Variants in ADAMTS19 observed in about 807,000 individuals in gnomAD.
ADAMTS19 encodes A disintegrin and metalloproteinase with thrombospondin motifs 19.
Under a neutral mutation model 153.3 loss-of-function variants are expected in ADAMTS19, and 93 were observed. That is an observed-to-expected ratio of 0.61 (90% CI 0.51 to 0.72). ADAMTS19 has a LOEUF of 0.72. Among genes scored for constraint, ADAMTS19 ranks in the 30% least tolerant of loss-of-function variants. The probability of loss-of-function intolerance (pLI) is 0.00; values close to 1 mark genes in which losing one functional copy is unlikely to be tolerated. For missense variants in ADAMTS19, 1,482 were observed against 1,552.1 expected (o/e 0.95, Z 0.76); for synonymous variants, 600 against 556.6 (o/e 1.08, Z -1.10).
intron 11 of ADAMTS19, among the ~76,000 whole-genome samples, chr5:129,645,217 G>A (rs1581180090): frequency 6.6e-6 from 1 of 152,096 alleles, no homozygotes; most frequent in African/African-American, 2.4e-5. Flanking sequence ...CAATTTTTTA[G>A]TGTTTTCAAC....
rs1306898270 is a variant in ADAMTS19, at chr5:129,461,641, G to C, written c.631G>C (p.Gly211Arg). 6.5e-7 allele frequency: 1 copy of C among 1,545,902 alleles called. No homozygotes were observed. Among genetic ancestry groups the C allele is most frequent in the Non-Finnish European group, 8.7e-7 (1 of 1,148,052 alleles). The change falls in exon 2 of 23, where the codon GGG (glycine) becomes CGG (arginine). Residue 211 changes from glycine to arginine, a missense_variant. By Grantham distance (125) the Gly-to-Arg change is moderately radical. Coordinates refer to ENST00000274487, the MANE Select transcript of ADAMTS19 (RefSeq NM_133638.6). The surrounding 1 kb of genome is among the most constrained non-coding windows in gnomAD (Gnocchi z 4.6). ...QRPNPGPGPT[G>R]AASAPQPPAP... ...GCCAAATCCCGGCCCCGGCCCCACG[G>C]GGGCAGCATCCGCCCCGCAACCTCC...
At chr5:129,709,206 G>T (rs563608931) in intron 21 of ADAMTS19, among the ~76,000 whole-genome samples, 73 of 152,016 alleles carry the variant, frequency 4.8e-4, no homozygotes, top group African/African-American at 1.7e-3. Flanking sequence ...ATGTTAATGG[G>T]AATTCTACGT....
chr5:129,723,320 T>C (rs1449284903), intron 21 of ADAMTS19, among the ~76,000 whole-genome samples: 3 of 152,208 alleles, frequency 2.0e-5, no homozygotes, highest in Non-Finnish European at 4.4e-5. Flanking sequence ...AATAAAGTCA[T>C]TCGGCTCTTA....
intron 21 of ADAMTS19, among the ~76,000 whole-genome samples, chr5:129,717,806 T>C (rs796972632): frequency 5.3e-5 from 8 of 152,302 alleles, no homozygotes; most frequent in African/African-American, 1.9e-4. Context: ...TCTGTGCTAT[T>C]TTAAATCAAG....
intron 2 of ADAMTS19, among the ~76,000 whole-genome samples, chr5:129,466,376 C>A (rs1174023056): frequency 2.6e-5 from 4 of 151,064 alleles, no homozygotes; most frequent in African/African-American, 9.7e-5. Context: ...ATACAAGAAG[C>A]AAAAAATTAA....
chr5:129,730,528 T>A (rs1458028719), intron 21 of ADAMTS19, among the ~76,000 whole-genome samples: 1 of 152,060 alleles, frequency 6.6e-6, no homozygotes, highest in Non-Finnish European at 1.5e-5. Flanking sequence ...TACAAACAAC[T>A]CTAACATAAT....
chr5:129,521,268 C>T (rs1043950703), intron 3 of ADAMTS19, among the ~76,000 whole-genome samples: 1 of 151,518 alleles, frequency 6.6e-6, no homozygotes, highest in African/African-American at 2.4e-5. Context: ...AAATTTTTAC[C>T]GAGAGCACAG....
In ADAMTS19 at chr5:129,521,852, A is replaced by C. The variant is rs1751814235; in HGVS notation, c.914-4432A>C. On this transcript the variant is annotated intron_variant, in intron 3 of 22. Transcript: ENST00000274487. ...ACCAAAAAGCAGTGGTTGAGTGGGGATGTGGTTAAGGAGTTTTTTATTACT... is the reference window on the plus strand; with the variant it reads ...ACCAAAAAGCAGTGGTTGAGTGGGGCTGTGGTTAAGGAGTTTTTTATTACT... Among the ~76,000 whole-genome samples the C allele has an allele frequency of 3.9e-5, 6 of 152,106 alleles. No homozygotes were observed. In the South Asian group the frequency reaches 1.2e-3, roughly 31 times the overall value.
chr5:129,498,944 G>A (rs957894457), intron 2 of ADAMTS19, among the ~76,000 whole-genome samples: 3 of 151,612 alleles, frequency 2.0e-5, no homozygotes, highest in Non-Finnish European at 4.4e-5. Flanking sequence ...ATGAAGACAG[G>A]GGTCATTCTG....
chr5:129,583,462 G>T (rs1202274165), intron 7 of ADAMTS19, among the ~76,000 whole-genome samples: 3 of 152,066 alleles, frequency 2.0e-5, no homozygotes, highest in Non-Finnish European at 2.9e-5. Flanking sequence ...GGCCTCTCTT[G>T]CTAGGTTGGG....
intron 16 of ADAMTS19, among the ~76,000 whole-genome samples, chr5:129,673,074 A>G (rs115196543): frequency 1.6e-4 from 25 of 151,784 alleles, no homozygotes; most frequent in Non-Finnish European, 2.9e-4. Flanking sequence ...GTTTGTGTCT[A>G]TTTTTCTTAG....
intron 2 of ADAMTS19, among the ~76,000 whole-genome samples, chr5:129,494,250 GA>G (rs1750858530): frequency 6.6e-6 from 1 of 152,092 alleles, no homozygotes; most frequent in Admixed American, 6.6e-5. Flanking sequence ...AGCTGCTGGG[GA>G]AAAGTATTCC....
chr5:129,633,140 T>C (rs765024363), intron 10 of ADAMTS19, among the ~76,000 whole-genome samples: 23 of 152,162 alleles, frequency 1.5e-4, no homozygotes, highest in Non-Finnish European at 2.6e-4. Flanking sequence ...TGAATTTTTA[T>C]CATTTCCATC....
intron 13 of ADAMTS19, among the ~76,000 whole-genome samples, chr5:129,653,963 A>G (rs962611170): frequency 6.6e-6 from 1 of 152,188 alleles, no homozygotes. Context: ...AGAGGATATC[A>G]TTTCAAAAAA....
At chr5:129,616,483 AG>A in intron 8 of ADAMTS19, among the ~76,000 whole-genome samples, 1 of 152,042 alleles carries the variant, frequency 6.6e-6, no homozygotes, top group East Asian at 1.9e-4. Context: ...TGAATTCATA[AG>A]GCTTCTCCTC....
At chr5:129,708,795 A>G (rs2127175878) in intron 21 of ADAMTS19, among the ~76,000 whole-genome samples, 1 of 152,198 alleles carries the variant, frequency 6.6e-6, no homozygotes, top group Non-Finnish European at 1.5e-5. Context: ...TATATTCTAC[A>G]ATTCAAACTT....
intron 6 of ADAMTS19, among the ~76,000 whole-genome samples, chr5:129,549,961 T>C (rs1172251748): frequency 2.2e-5 from 3 of 136,786 alleles, no homozygotes; most frequent in African/African-American, 8.3e-5. Flanking sequence ...TATATGTATG[T>C]ATCTAGATAT....
chr5:129,651,921 A>G (rs527822077), intron 13 of ADAMTS19, among the ~76,000 whole-genome samples: 2 of 152,040 alleles, frequency 1.3e-5, no homozygotes, highest in East Asian at 3.9e-4. Context: ...TTGAATGTTA[A>G]TCCTGTCTCT....
chr5:129,478,641 T>C (rs1444360110), intron 2 of ADAMTS19, among the ~76,000 whole-genome samples: 1 of 152,138 alleles, frequency 6.6e-6, no homozygotes, highest in East Asian at 1.9e-4. Flanking sequence ...CGAACTCCCA[T>C]GCTCGAGCAA....
Sources: allele counts gnomAD v4.1 joint callset (sites outside exome capture counted in the v4.1 genomes callset), GRCh38; gene constraint gnomAD v4.1.1; non-coding constraint Gnocchi (gnomAD v3.1); transcripts MANE v1.5; gene names NCBI Gene and HGNC (gene_info 2026-07-23, HGNC 2026-07-21).